FRMD4A: variants seen among roughly 807,000 people sequenced by gnomAD.
FRMD4A encodes FERM domain-containing protein 4A.
Under a neutral mutation model 129.1 loss-of-function variants are expected in FRMD4A, and 29 were observed. The ratio of observed to expected loss-of-function variants is 0.22; its 90% confidence interval spans 0.17 to 0.31. The LOEUF (loss-of-function observed/expected upper bound fraction) is 0.31, where lower values mean the gene tolerates loss of function less well. FRMD4A is among the 10% of genes least tolerant of loss of function. The pLI is 1.00. For synonymous variants in FRMD4A, 634 were observed against 571.6 expected (o/e 1.11, Z -1.56); for missense variants, 1,272 against 1,375.8 (o/e 0.92, Z 1.19).
At chr10:14,222,371 G>A (rs925307528) in intron 2 of FRMD4A, among the ~76,000 whole-genome samples, 4 of 152,158 alleles carry the variant, frequency 2.6e-5, no homozygotes, top group African/African-American at 4.8e-5. Context: ...TGCGAAATGC[G>A]TAGCCAAGCT....
Position 14,318,933 on chromosome 10 carries a change from C to T in FRMD4A, c.45+11125G>A, listed in dbSNP as rs1441725480. Among the ~76,000 whole-genome samples, 8 of 152,156 alleles carry T rather than the reference C, an allele frequency of 5.3e-5. No individual in the cohort carries two copies. The South Asian group carries it at 6.2e-4, about 12-fold the overall frequency. Reference sequence around the variant, plus strand: ...ATGACTTCTGAGGCTAGGTTATGAGCGATCATATGGCTCTGCCTGGCTAGC... The same window carrying T: ...ATGACTTCTGAGGCTAGGTTATGAGTGATCATATGGCTCTGCCTGGCTAGC... On this transcript the variant is annotated intron_variant, in intron 2 of 24. Coordinates refer to ENST00000357447, the MANE Select transcript of FRMD4A (RefSeq NM_018027.5).
intron 3 of FRMD4A, among the ~76,000 whole-genome samples, chr10:13,834,283 A>G (rs191969823): frequency 3.7e-4 from 57 of 152,092 alleles, no homozygotes; most frequent in Non-Finnish European, 5.4e-4. Context: ...CAACAACAAC[A>G]AAACAAAACA....
chr10:13,654,349 C>T lies in FRMD4A; in HGVS notation c.3050+67G>A, dbSNP rs775537183. 1.5e-5 allele frequency: 15 copies of T among 1,016,620 alleles called. No homozygotes were observed. The Middle Eastern group carries it at 1.6e-3, about 110-fold the overall frequency. The allele number at this position is 1,016,620 out of a possible 1,614,324, so 63.0% of individuals were successfully genotyped here. A position where few individuals can be genotyped will look rare whatever the true frequency, so the allele number is the denominator to read the frequency against. ...CATTTACTGACATATCCTTATGTCA[C>T]CAGGATCTGAACGTCTATGACACTC... is the stretch of plus-strand genomic sequence containing the variant. On this transcript the variant is annotated intron_variant, in intron 23 of 24. Coordinates refer to ENST00000357447, the MANE Select transcript of FRMD4A (RefSeq NM_018027.5).
chr10:14,273,081 C>CAG (rs1554799161), intron 2 of FRMD4A, among the ~76,000 whole-genome samples: 2 of 151,456 alleles, frequency 1.3e-5, no homozygotes, highest in Admixed American at 1.3e-4. Flanking sequence ...CACACACACA[C>CAG]ACACACACAT....
At chr10:13,867,325 C>T (rs911360727) in intron 2 of FRMD4A, among the ~76,000 whole-genome samples, 1 of 151,942 alleles carries the variant, frequency 6.6e-6, no homozygotes, top group Non-Finnish European at 1.5e-5. Flanking sequence ...GTGGCATGAT[C>T]ACAGCTCACT....
At chr10:14,262,128 G>A (rs190987048) in intron 2 of FRMD4A, among the ~76,000 whole-genome samples, 29 of 152,204 alleles carry the variant, frequency 1.9e-4, no homozygotes, top group South Asian at 6.2e-4. Context: ...TAAAGAGTTC[G>A]GGGAAAACCC....
At chr10:13,900,554 C>T (rs1490647589) in intron 2 of FRMD4A, among the ~76,000 whole-genome samples, 1 of 152,152 alleles carries the variant, frequency 6.6e-6, no homozygotes, top group Non-Finnish European at 1.5e-5. Flanking sequence ...GTACCTTCGG[C>T]TAGCTCTCTC....
intron 2 of FRMD4A, among the ~76,000 whole-genome samples, chr10:14,320,986 C>A (rs1843024368): frequency 6.6e-6 from 1 of 152,212 alleles, no homozygotes; most frequent in Non-Finnish European, 1.5e-5. Context: ...GTCTTCCAAG[C>A]ACTGTCTCCA....
chr10:13,661,526 G>A (rs549403529), intron 19 of FRMD4A, among the ~76,000 whole-genome samples: 16 of 152,324 alleles, frequency 1.1e-4, no homozygotes, highest in Admixed American at 2.0e-4. Flanking sequence ...CCAAGAGCCC[G>A]ACTGATGGGG....
intron 2 of FRMD4A, among the ~76,000 whole-genome samples, chr10:14,183,876 C>T (rs900396167): frequency 6.6e-6 from 1 of 152,140 alleles, no homozygotes; most frequent in East Asian, 1.9e-4. Context: ...AGTACCTCAG[C>T]ATAACCTAAG....
chr10:14,320,417 C>T (rs182038756), intron 2 of FRMD4A, among the ~76,000 whole-genome samples: 40 of 152,300 alleles, frequency 2.6e-4, no homozygotes, highest in African/African-American at 9.4e-4. Flanking sequence ...AACATTTCCT[C>T]CTGAATTTCC....
intron 2 of FRMD4A, among the ~76,000 whole-genome samples, chr10:14,272,162 A>G (rs900765632): frequency 1.3e-5 from 2 of 152,188 alleles, no homozygotes; most frequent in Admixed American, 1.3e-4. Context: ...AGGTCAATGC[A>G]GCTCAGGTAA....
intron 2 of FRMD4A, among the ~76,000 whole-genome samples, chr10:14,298,557 G>A (rs537366650): frequency 2.0e-4 from 30 of 152,240 alleles, no homozygotes; most frequent in South Asian, 4.1e-4. Context: ...GAGAAGCTAC[G>A]AGTGTAGATT....
intron 2 of FRMD4A, among the ~76,000 whole-genome samples, chr10:14,084,802 A>C (rs1324843722): frequency 6.6e-6 from 1 of 152,150 alleles, no homozygotes; most frequent in Non-Finnish European, 1.5e-5. Context: ...AAGCCTGCTC[A>C]ACTGCTTACC....
chr10:13,763,496 A>G (rs1300951294), intron 6 of FRMD4A, among the ~76,000 whole-genome samples: 1 of 152,158 alleles, frequency 6.6e-6, no homozygotes, highest in African/African-American at 2.4e-5. Flanking sequence ...CAGCTCAGAT[A>G]CAGAACGTTT....
intron 2 of FRMD4A, among the ~76,000 whole-genome samples, chr10:13,871,327 C>T (rs528650004): frequency 3.3e-5 from 5 of 152,290 alleles, no homozygotes; most frequent in African/African-American, 9.6e-5. Flanking sequence ...CCAAGGTGTC[C>T]TGCATGATGT....
At chr10:14,212,650 T>A (rs757724172) in intron 2 of FRMD4A, among the ~76,000 whole-genome samples, 5 of 152,180 alleles carry the variant, frequency 3.3e-5, no homozygotes, top group Non-Finnish European at 2.9e-5. Context: ...TGACTGATAC[T>A]TGTTGTGGGC....
At chr10:14,065,465 GC>G (rs989327487) in intron 2 of FRMD4A, among the ~76,000 whole-genome samples, 5 of 152,192 alleles carry the variant, frequency 3.3e-5, no homozygotes, top group African/African-American at 1.2e-4. Context: ...GCAGATGTGA[GC>G]CACCATACCC....
intron 2 of FRMD4A, among the ~76,000 whole-genome samples, chr10:14,158,266 G>A (rs1425329211): frequency 6.6e-6 from 1 of 152,218 alleles, no homozygotes; most frequent in Non-Finnish European, 1.5e-5. Context: ...GAGGAAATGA[G>A]TGTTGGAGAT....
Sources: allele counts gnomAD v4.1 joint callset (sites outside exome capture counted in the v4.1 genomes callset), GRCh38; gene constraint gnomAD v4.1.1; transcripts MANE v1.5; gene names NCBI Gene and HGNC (gene_info 2026-07-23, HGNC 2026-07-21).